Variants in IMPG1 observed in about 807,000 individuals in gnomAD.
IMPG1 encodes the protein interphotoreceptor matrix proteoglycan 1.
Under a neutral mutation model 92.0 loss-of-function variants are expected in IMPG1, and 85 were observed. The observed-to-expected ratio is 0.92, with a 90% CI of 0.78 to 1.11. IMPG1 has a LOEUF of 1.11. Ranked by LOEUF, IMPG1 falls within the 50% of genes least tolerant of loss-of-function variation. The pLI is 0.00. For synonymous variants in IMPG1, 367 were observed against 334.1 expected, an observed-to-expected ratio of 1.10 and a Z score of -1.08; for missense variants, 1,022 against 956.0, an observed-to-expected ratio of 1.07 and a Z score of -0.91.
At chr6:76,025,429 C>T (rs770640039) in intron 4 of IMPG1, among the ~76,000 whole-genome samples, 171 bp from the exon 5 acceptor site, 77 of 152,192 alleles carry the variant, frequency 5.1e-4, no homozygotes, top group Middle Eastern at 6.8e-3. Flanking sequence ...TGAATATATT[C>T]TCATTGAGGA....
At chr6:75,952,694 T>C (rs1030449094) in intron 12 of IMPG1, among the ~76,000 whole-genome samples, 10 of 152,252 alleles carry the variant, frequency 6.6e-5, no homozygotes, top group Admixed American at 2.6e-4. Flanking sequence ...GTGATGATAT[T>C]TGGACATGGG....
At chr6:75,951,939 C>T (rs1782040539) in intron 12 of IMPG1, among the ~76,000 whole-genome samples, 1 of 32,436 alleles carries the variant, frequency 3.1e-5, no homozygotes, top group Non-Finnish European at 5.9e-5. Context: ...GAGACTCTGT[C>T]TCAAAATAAT....
chr6:76,022,047 C>T, intron 6 of IMPG1, 69 bp downstream of exon 6: 1 of 825,538 alleles, frequency 1.2e-6, no homozygotes, highest in Admixed American at 1.8e-5. Flanking sequence ...TATCCATTCT[C>T]TTTTCCTGTT....
intron 1 of IMPG1, among the ~76,000 whole-genome samples, chr6:76,044,838 C>T (rs894889400): frequency 5.3e-5 from 8 of 152,128 alleles, no homozygotes; most frequent in Non-Finnish European, 1.2e-4. Flanking sequence ...CCTTTGGATC[C>T]TAACAGTTTG....
chr6:75,987,805 C>A (rs374329104), intron 12 of IMPG1, among the ~76,000 whole-genome samples: 4 of 151,918 alleles, frequency 2.6e-5, no homozygotes, highest in Non-Finnish European at 5.9e-5. Flanking sequence ...CCACAAGGCC[C>A]GACTAATTTT....
chr6:76,065,083 G>T (rs1308186348), intron 1 of IMPG1, among the ~76,000 whole-genome samples: 1 of 151,736 alleles, frequency 6.6e-6, no homozygotes, highest in African/African-American at 2.4e-5. Context: ...CATCCTGAAG[G>T]GGAAAAAATC....
intron 4 of IMPG1, 85 bp from the exon 5 acceptor site, chr6:76,025,343 G>A (rs1366677500): frequency 4.4e-6 from 3 of 689,090 alleles, no homozygotes; most frequent in Non-Finnish European, 7.5e-6. Flanking sequence ...TTCTTATACT[G>A]AGTAAACCTA....
chr6:75,974,401 T>TTTCCTTCCTTCCTTCCTTGCTTCC (rs1782493261), intron 12 of IMPG1, among the ~76,000 whole-genome samples: 3 of 92,800 alleles, frequency 3.2e-5, no homozygotes, highest in African/African-American at 1.2e-4. Flanking sequence ...CTTTTCTTTC[T>TTTCCTTCCTTCCTTCCTTGCTTCC]TTCCTTCCTT....
intron 14 of IMPG1, chr6:75,935,075 A>G (rs1562339161): frequency 6.4e-6 from 3 of 467,348 alleles, no homozygotes; most frequent in Non-Finnish European, 8.9e-6. Flanking sequence ...TTCCAATGCG[A>G]TGAAACCTAG....
At chr6:76,049,462 T>TTC (rs1562383831) in intron 1 of IMPG1, among the ~76,000 whole-genome samples, 1 of 151,916 alleles carries the variant, frequency 6.6e-6, no homozygotes, top group Non-Finnish European at 1.5e-5. Context: ...CCTACCTTTA[T>TTC]TCTCTCTCTC....
rs1310484623 is a variant in IMPG1 at position 75,924,721 on chromosome 6, A to AT, written c.2244-1016dup. ...AATTATATATAATATATAATATATA[A>AT]TATAATTATATATAATATATAATAT... On this transcript the variant is annotated intron_variant, in intron 15 of 16. Coordinates refer to ENST00000369950, the MANE Select transcript of IMPG1 (RefSeq NM_001563.4). Among the ~76,000 whole-genome samples the AT allele has an allele frequency of 2.2e-3, 24 of 10,920 alleles. 3 individuals are homozygous for AT. Among genetic ancestry groups the AT allele is most frequent in the Non-Finnish European group, 3.8e-3 (17 of 4,512 alleles). The allele number at this position is 10,920 out of a possible 152,430, so 7.2% of individuals were successfully genotyped here. A position where few individuals can be genotyped will look rare whatever the true frequency, so the allele number is the denominator to read the frequency against.
At chr6:75,999,500 A>C (rs1782950689) in intron 12 of IMPG1, among the ~76,000 whole-genome samples, 1 of 152,184 alleles carries the variant, frequency 6.6e-6, no homozygotes, top group Admixed American at 6.5e-5. Context: ...ACATGGGAAA[A>C]GGCCAGAACT....
chr6:76,062,841 G>A (rs1374624475), intron 1 of IMPG1, among the ~76,000 whole-genome samples: 1 of 138,144 alleles, frequency 7.2e-6, no homozygotes, highest in Non-Finnish European at 1.5e-5. Context: ...AGCCCTAAAT[G>A]AGTAGCAAGT....
intron 2 of IMPG1, among the ~76,000 whole-genome samples, chr6:76,039,752 G>C (rs1783802719): frequency 6.6e-6 from 1 of 152,196 alleles, no homozygotes. Context: ...GGAGGCATCT[G>C]TATAGCAGGA....
At chr6:76,020,211 C>G (rs543758914) in intron 6 of IMPG1, among the ~76,000 whole-genome samples, 2 of 151,998 alleles carry the variant, frequency 1.3e-5, no homozygotes, top group Non-Finnish European at 2.9e-5. Context: ...GACCACCATG[C>G]CCAGGTAATT....
chr6:76,071,494 G>A (rs1314962411), intron 1 of IMPG1, among the ~76,000 whole-genome samples: 2 of 151,568 alleles, frequency 1.3e-5, no homozygotes, highest in Non-Finnish European at 1.5e-5. Flanking sequence ...ATCTTTTCCA[G>A]AAATTTTTTT....
intron 12 of IMPG1, among the ~76,000 whole-genome samples, chr6:75,992,009 T>C (rs1488651056): frequency 6.6e-6 from 1 of 152,224 alleles, no homozygotes; most frequent in Non-Finnish European, 1.5e-5. Flanking sequence ...TTTTAAAAGA[T>C]GAGATTAACA....
intron 12 of IMPG1, among the ~76,000 whole-genome samples, chr6:75,975,964 A>T (rs936629251): frequency 6.6e-6 from 1 of 152,094 alleles, no homozygotes; most frequent in Non-Finnish European, 1.5e-5. Flanking sequence ...ATTTTTTGGA[A>T]CCACTGAGAA....
intron 12 of IMPG1, among the ~76,000 whole-genome samples, chr6:75,985,311 G>A (rs1163081274): frequency 6.6e-6 from 1 of 152,220 alleles, no homozygotes; most frequent in African/African-American, 2.4e-5. Context: ...CCCTGGCAGA[G>A]AGGATGCAGT....
Sources: gnomAD v4.1 joint callset for allele counts (sites outside exome capture counted in the v4.1 genomes callset) on GRCh38, gnomAD v4.1.1 for gene constraint, MANE v1.5 for transcripts, NCBI Gene and HGNC (gene_info 2026-07-23, HGNC 2026-07-21) for gene names.